The following SNX25 variants were observed in gnomAD, a reference collection of about 807,000 sequenced individuals.
The protein encoded by SNX25 is sorting nexin 25.
Under a neutral mutation model 113.7 loss-of-function variants are expected in SNX25, and 62 were observed. The observed-to-expected ratio is 0.55, with a 90% confidence interval of 0.44 to 0.67. The LOEUF (loss-of-function observed/expected upper bound fraction) is 0.67, where lower values mean the gene tolerates loss of function less well. Among genes scored for constraint, SNX25 ranks in the 30% least tolerant of loss-of-function variants. The pLI, the probability that SNX25 is intolerant of heterozygous loss-of-function variation, is 0.00. For missense variants in SNX25, 1,014 were observed against 1,161.0 expected (o/e 0.87, Z 1.84); for synonymous variants, 421 against 436.2 (o/e 0.97, Z 0.43).
At chr4:185,371,015 C>G, downstream of SNX25, 1 of 522,728 alleles carries the variant, frequency 1.9e-6, no homozygotes, top group East Asian at 3.0e-5. Context: ...GGTGACTTCA[C>G]ATGTCTCTGT....
At chr4:185,306,304 C>T (rs1041024564) in intron 6 of SNX25, among the ~76,000 whole-genome samples, 1 of 152,246 alleles carries the variant, frequency 6.6e-6, no homozygotes, top group African/African-American at 2.4e-5. Flanking sequence ...ACAGAACCAT[C>T]TAAGCAACAA....
chr4:185,352,741 C>T (rs2692587), intron 14 of SNX25, among the ~76,000 whole-genome samples: 396 of 152,298 alleles, frequency 2.6e-3, no homozygotes, highest in African/African-American at 8.8e-3. Context: ...CTCTGCTCGC[C>T]TGATGTAAGT....
intron 7 of SNX25, among the ~76,000 whole-genome samples, chr4:185,316,577 G>C (rs932110310): frequency 2.0e-5 from 3 of 152,172 alleles, no homozygotes; most frequent in Non-Finnish European, 4.4e-5. Flanking sequence ...TTAAAATAAG[G>C]GTTGAAGAGG....
chr4:185,378,469 G>A, the SNX25 span: 1 of 1,210,350 alleles, frequency 8.3e-7, no homozygotes, highest in Non-Finnish European at 1.0e-6. Flanking sequence ...GTCCTGTCTG[G>A]CTATGGGTTT....
chr4:185,367,175 G>T (rs753546344), downstream of SNX25: 12 of 1,608,958 alleles, frequency 7.5e-6, no homozygotes, highest in Middle Eastern at 3.3e-4. Flanking sequence ...GAAATACATT[G>T]TGGTCTAAAT....
At chr4:185,333,820 G>C (rs1039945266) in intron 10 of SNX25, among the ~76,000 whole-genome samples, 1 of 152,004 alleles carries the variant, frequency 6.6e-6, no homozygotes, top group Non-Finnish European at 1.5e-5. Context: ...GAGATGGGTG[G>C]ATCGCTTGAG....
At chr4:185,288,396 C>G (rs1751650276) in intron 6 of SNX25, among the ~76,000 whole-genome samples, 1 of 151,906 alleles carries the variant, frequency 6.6e-6, no homozygotes, top group Admixed American at 6.5e-5. Flanking sequence ...TACTTTTTTT[C>G]ACATATTGAA....
intron 9 of SNX25, among the ~76,000 whole-genome samples, chr4:185,327,373 T>C (rs576825511): frequency 6.6e-6 from 1 of 152,328 alleles, no homozygotes; most frequent in East Asian, 1.9e-4. Flanking sequence ...TTAATCACTT[T>C]TAAATTGTAC....
At chr4:185,310,120 T>C (rs1181288248) in intron 6 of SNX25, among the ~76,000 whole-genome samples, 1 of 152,240 alleles carries the variant, frequency 6.6e-6, no homozygotes, top group Non-Finnish European at 1.5e-5. Flanking sequence ...GTTAGAATCT[T>C]CTGTTAAACA....
At chr4:185,208,412 T>G (rs2111453473), upstream of SNX25, among the ~76,000 whole-genome samples, 1 of 152,306 alleles carries the variant, frequency 6.6e-6, no homozygotes, top group Admixed American at 6.5e-5. Flanking sequence ...GCACTCTTCA[T>G]TTCTGACTTA....
At position 185,210,689 on chromosome 4, in the gene SNX25, C is replaced by T. The variant is rs1359179300; in HGVS notation, c.429+434C>T. ...GGGAGGCAACTTTATGACCGTTTGCCGATGAGGAAACTTGCTTCGGTCCCT... is the reference window on the plus strand; with the variant it reads ...GGGAGGCAACTTTATGACCGTTTGCTGATGAGGAAACTTGCTTCGGTCCCT... On this transcript the variant is annotated intron_variant, in intron 1 of 18. Coordinates refer to ENST00000652585, the MANE Select transcript of SNX25 (RefSeq NM_001378034.2). This position sits in a 1 kb window ranked among gnomAD's most constrained non-coding sequence, Gnocchi z 4.4. Among the ~76,000 whole-genome samples, 3 of 151,810 alleles carry T rather than the reference C, an allele frequency of 2.0e-5. No homozygotes were observed. The highest frequency in any genetic ancestry group is 4.8e-5 in the African/African-American group (2 of 41,304).
chr4:185,312,668 G>A (rs1332186312), intron 7 of SNX25, among the ~76,000 whole-genome samples: 2 of 151,776 alleles, frequency 1.3e-5, no homozygotes, highest in South Asian at 2.1e-4. Flanking sequence ...GACTACAGAC[G>A]CCCGCCACCA....
intron 7 of SNX25, among the ~76,000 whole-genome samples, chr4:185,317,250 G>A (rs767161134): frequency 1.4e-4 from 21 of 152,216 alleles, no homozygotes; most frequent in African/African-American, 4.6e-4. Flanking sequence ...TTAGAGAAAT[G>A]CAAATCAAAA....
chr4:185,244,891 A>C (rs1744608839), intron 1 of SNX25, among the ~76,000 whole-genome samples: 2 of 152,132 alleles, frequency 1.3e-5, no homozygotes, highest in African/African-American at 4.8e-5. Context: ...AGTAAGCACG[A>C]ACAGGGATGA....
At chr4:185,275,365 A>T (rs867616604) in intron 5 of SNX25, among the ~76,000 whole-genome samples, 5 of 152,224 alleles carry the variant, frequency 3.3e-5, no homozygotes, top group African/African-American at 4.8e-5. Flanking sequence ...TATCTAATAC[A>T]TAGATAATAC....
chr4:185,310,560 T>G, intron 6 of SNX25, 75 bp from the exon 7 acceptor site: 3 of 1,383,890 alleles, frequency 2.2e-6, no homozygotes, highest in Non-Finnish European at 3.0e-6. Flanking sequence ...CAGCAGACAC[T>G]GATCTGGTTC....
chr4:185,254,323 A>G (rs1459601142), intron 2 of SNX25, among the ~76,000 whole-genome samples: 1 of 152,194 alleles, frequency 6.6e-6, no homozygotes, highest in Non-Finnish European at 1.5e-5. Context: ...TAAATGAACA[A>G]TAGAATTGTT....
chr4:185,306,037 A>G (rs1336750376), intron 6 of SNX25, among the ~76,000 whole-genome samples: 1 of 152,196 alleles, frequency 6.6e-6, no homozygotes, highest in African/African-American at 2.4e-5. Context: ...CAGTGTTACT[A>G]CTTAACACTC....
intron 3 of SNX25, among the ~76,000 whole-genome samples, chr4:185,260,756 C>T (rs1011108807): frequency 6.6e-6 from 1 of 152,160 alleles, no homozygotes; most frequent in African/African-American, 2.4e-5. Flanking sequence ...CCCAGATGCC[C>T]TACAAGGATC....
Sources: gnomAD v4.1 joint callset for allele counts (sites outside exome capture counted in the v4.1 genomes callset) on GRCh38, gnomAD v4.1.1 for gene constraint, Gnocchi (gnomAD v3.1) non-coding constraint, MANE v1.5 for transcripts, NCBI Gene and HGNC (gene_info 2026-07-23, HGNC 2026-07-21) for gene names.